The following NEGR1 variants were observed in gnomAD, a reference collection of about 807,000 sequenced individuals.
NEGR1 encodes the protein neuronal growth regulator 1, also known as IgLON family member 4.
A neutral mutation model predicts 40.9 loss-of-function variants in NEGR1; 10 were observed. The observed-to-expected ratio is 0.24, with a 90% CI of 0.15 to 0.42. The LOEUF (loss-of-function observed/expected upper bound fraction) is 0.42, where lower values mean the gene tolerates loss of function less well. Ranked by LOEUF, NEGR1 falls within the 10% of genes least tolerant of loss-of-function variation. NEGR1 has a pLI of 1.00. For synonymous variants in NEGR1, 185 were observed against 166.8 expected (o/e 1.11, Z -0.84); for missense variants, 352 against 438.9 (o/e 0.80, Z 1.77).
At chr1:71,825,886 TTAC>T (rs1658602278) in intron 2 of NEGR1, among the ~76,000 whole-genome samples, 1 of 151,924 alleles carries the variant, frequency 6.6e-6, no homozygotes, top group Non-Finnish European at 1.5e-5. Flanking sequence ...TGTATCCCTT[TTAC>T]TACTATTATT....
chr1:71,871,631 T>A (rs979279664), intron 2 of NEGR1, among the ~76,000 whole-genome samples: 2 of 152,200 alleles, frequency 1.3e-5, no homozygotes, highest in East Asian at 1.9e-4. Flanking sequence ...TATCAATACA[T>A]GACAAGTTAA....
At chr1:71,895,529 CA>C (rs1158829792) in intron 2 of NEGR1, among the ~76,000 whole-genome samples, 1 of 152,148 alleles carries the variant, frequency 6.6e-6, no homozygotes, top group Non-Finnish European at 1.5e-5. Flanking sequence ...GTAGACATCT[CA>C]TATAAATGGA....
intron 2 of NEGR1, among the ~76,000 whole-genome samples, chr1:71,901,253 A>G (rs1225962380): frequency 6.6e-6 from 1 of 152,184 alleles, no homozygotes; most frequent in Non-Finnish European, 1.5e-5. Flanking sequence ...ATATTTATTA[A>G]CCTAAGAGCC....
chr1:72,155,197 C>G (rs1651314440), intron 1 of NEGR1, among the ~76,000 whole-genome samples: 1 of 151,946 alleles, frequency 6.6e-6, no homozygotes, highest in African/African-American at 2.4e-5. Flanking sequence ...ACCACTACGA[C>G]TTTTATCCCA....
intron 4 of NEGR1, among the ~76,000 whole-genome samples, chr1:71,644,211 C>CT (rs1390973249): frequency 6.6e-6 from 1 of 151,894 alleles, no homozygotes; most frequent in Non-Finnish European, 1.5e-5. Flanking sequence ...GCCACACCAG[C>CT]TTCACCTGTG....
At chr1:71,783,748 G>A (rs74573499) in intron 2 of NEGR1, among the ~76,000 whole-genome samples, 35 of 152,140 alleles carry the variant, frequency 2.3e-4, no homozygotes, top group African/African-American at 6.0e-4. Context: ...ACCTATGCAC[G>A]AGTTTTTCTC....
chr1:71,850,227 C>G (rs1570429998), intron 2 of NEGR1, among the ~76,000 whole-genome samples: 1 of 152,242 alleles, frequency 6.6e-6, no homozygotes, highest in South Asian at 2.1e-4. Flanking sequence ...TTGAGTTTGA[C>G]TCACTGCAAC....
At chr1:71,520,154 G>C (rs1647145806) in intron 6 of NEGR1, among the ~76,000 whole-genome samples, 1 of 152,068 alleles carries the variant, frequency 6.6e-6, no homozygotes, top group Admixed American at 6.5e-5. Flanking sequence ...AGCTCTCTCA[G>C]CTTCAGATTC....
chr1:71,794,526 A>C (rs529243046), intron 2 of NEGR1: 1 of 152,108 alleles, frequency 6.6e-6, no homozygotes, highest in Non-Finnish European at 1.5e-5. Flanking sequence ...GGTGCTAGGC[A>C]ATTGTCTACC....
At chr1:72,143,939 A>T (rs1282612476) in intron 1 of NEGR1, among the ~76,000 whole-genome samples, 3 of 136,088 alleles carry the variant, frequency 2.2e-5, no homozygotes, top group Non-Finnish European at 4.7e-5. Context: ...ATATATATAT[A>T]TTCATCCATT....
At chr1:71,680,491 T>C (rs1421995390) in intron 4 of NEGR1, among the ~76,000 whole-genome samples, 1 of 152,150 alleles carries the variant, frequency 6.6e-6, no homozygotes, top group Non-Finnish European at 1.5e-5. Flanking sequence ...TTTCACAAGA[T>C]GCCACAGATA....
chr1:71,883,968 G>C (rs1006791733), intron 2 of NEGR1, among the ~76,000 whole-genome samples: 1 of 150,632 alleles, frequency 6.6e-6, no homozygotes, highest in African/African-American at 2.4e-5. Flanking sequence ...AAATGGAAGA[G>C]TTAACTACAG....
At chr1:71,770,547 G>C (rs1032940879) in intron 3 of NEGR1, among the ~76,000 whole-genome samples, 1 of 152,090 alleles carries the variant, frequency 6.6e-6, no homozygotes, top group African/African-American at 2.4e-5. Flanking sequence ...AAATGAAATG[G>C]TTGATTCCAG....
At chr1:71,868,436 A>ATAGATAGAT (rs534497824) in intron 2 of NEGR1, among the ~76,000 whole-genome samples, 122 of 149,920 alleles carry the variant, frequency 8.1e-4, no homozygotes, top group East Asian at 2.2e-3. Flanking sequence ...TAGATGATAG[A>ATAGATAGAT]AGATAGATAG....
chr1:71,958,999 G>T (rs572297840), intron 1 of NEGR1, among the ~76,000 whole-genome samples: 1 of 149,828 alleles, frequency 6.7e-6, no homozygotes, highest in African/African-American at 2.4e-5. Flanking sequence ...TAATGTTGTC[G>T]TCTATGTGGT....
intron 2 of NEGR1, among the ~76,000 whole-genome samples, chr1:71,817,887 A>T (rs560033633): frequency 6.6e-6 from 1 of 152,186 alleles, no homozygotes; most frequent in East Asian, 1.9e-4. Flanking sequence ...TGTTTTTGAA[A>T]TGCAGCTAGT....
intron 1 of NEGR1, among the ~76,000 whole-genome samples, chr1:72,200,503 T>C (rs1653166027): frequency 6.6e-6 from 1 of 151,880 alleles, no homozygotes; most frequent in African/African-American, 2.4e-5. Context: ...CAATAGATAT[T>C]GTAGACTCAT....
At chr1:72,121,503 G>C (rs7556006) in intron 1 of NEGR1, among the ~76,000 whole-genome samples, 63,104 of 151,754 alleles carry the variant, frequency 0.42, 14,323 homozygotes, top group Admixed American at 0.55. Flanking sequence ...CTCTTAAGAA[G>C]TAAATGTCTC....
At chr1:71,522,976 T>C (rs897071443) in intron 6 of NEGR1, among the ~76,000 whole-genome samples, 2 of 151,952 alleles carry the variant, frequency 1.3e-5, no homozygotes, top group Admixed American at 6.6e-5. Context: ...AGCCAGCCAA[T>C]GGTCTTTTGA....
Sources: allele counts gnomAD v4.1 joint callset (sites outside exome capture counted in the v4.1 genomes callset), GRCh38; gene constraint gnomAD v4.1.1; transcripts MANE v1.5; gene names NCBI Gene and HGNC (gene_info 2026-07-23, HGNC 2026-07-21).